Variants in DCAF1 observed in about 807,000 individuals in gnomAD.
DCAF1 encodes the protein DDB1 and CUL4 associated factor 1.
DCAF1 carries 15 observed loss-of-function variants against 128.0 expected under a neutral mutation model. The ratio of observed to expected loss-of-function variants is 0.12; its 90% CI spans 0.08 to 0.18. The LOEUF is 0.18. Among genes scored for constraint, DCAF1 ranks in the 10% least tolerant of loss-of-function variants. DCAF1 has a pLI of 1.00. For synonymous variants in DCAF1, 610 were observed against 603.0 expected (o/e 1.01, Z -0.17); for missense variants, 988 against 1,649.5 (o/e 0.60, Z 6.95).
intron 3 of DCAF1, among the ~76,000 whole-genome samples, chr3:51,479,650 G>T (rs1226118133): frequency 2.6e-5 from 4 of 151,986 alleles, no homozygotes; most frequent in African/African-American, 9.7e-5. Flanking sequence ...TAAAAAATTA[G>T]CCCAGTGTGG....
At chr3:51,504,442 G>T (rs1708894807), upstream of DCAF1, among the ~76,000 whole-genome samples, 1 of 152,060 alleles carries the variant, frequency 6.6e-6, no homozygotes, top group East Asian at 1.9e-4. Context: ...CTGCATCCTG[G>T]GTTCAAGTAA....
At chr3:51,483,502 A>G (rs2108415902) in intron 3 of DCAF1, among the ~76,000 whole-genome samples, 1 of 152,186 alleles carries the variant, frequency 6.6e-6, no homozygotes, top group African/African-American at 2.4e-5. Flanking sequence ...GTAGGGAGAT[A>G]AAGACTAAAT....
chr3:51,489,462 T>C (rs1707364989), intron 2 of DCAF1, among the ~76,000 whole-genome samples: 1 of 151,736 alleles, frequency 6.6e-6, no homozygotes, highest in African/African-American at 2.4e-5. Context: ...AACCACACTC[T>C]ACTAGGGTCC....
chr3:51,484,787 A>G (rs1223561472), intron 2 of DCAF1, among the ~76,000 whole-genome samples: 1 of 150,836 alleles, frequency 6.6e-6, no homozygotes, highest in East Asian at 2.0e-4. Context: ...GGTTCAAGCA[A>G]TTCTCCTGCC....
At chr3:51,443,272 G>A (rs1701536246) in intron 7 of DCAF1, among the ~76,000 whole-genome samples, 1 of 152,070 alleles carries the variant, frequency 6.6e-6, no homozygotes, top group African/African-American at 2.4e-5. Context: ...GGCATACAAT[G>A]TCATCATCCT....
intron 2 of DCAF1, among the ~76,000 whole-genome samples, chr3:51,487,192 G>A (rs192936667): frequency 3.3e-5 from 5 of 151,946 alleles, no homozygotes; most frequent in African/African-American, 7.2e-5. Flanking sequence ...GTCTGGTCTC[G>A]ATCTCTTGAC....
At position 51,422,537 on chromosome 3, in the gene DCAF1, A is replaced by G. The variant is rs1699500862; in HGVS notation, c.1848-106T>C. Reference sequence around the variant, plus strand: ...AGATAGACACATACACACAGAGACAATAAATCAGAAGCACTACCAGTGTGG... The same window carrying G: ...AGATAGACACATACACACAGAGACAGTAAATCAGAAGCACTACCAGTGTGG... On this transcript the variant is annotated intron_variant, in intron 13 of 24. Coordinates refer to ENST00000684031, the MANE Select transcript of DCAF1 (RefSeq NM_001387579.1). 30 of 665,234 alleles carry G rather than the reference A, an allele frequency of 4.5e-5. No homozygotes were observed. In the South Asian group the frequency reaches 4.7e-4, roughly 11 times the overall value. The allele number at this position is 665,234 out of a possible 1,614,324, so 41.2% of individuals were successfully genotyped here.
chr3:51,490,025 T>C (rs781939262), intron 2 of DCAF1, among the ~76,000 whole-genome samples: 1 of 152,150 alleles, frequency 6.6e-6, no homozygotes, highest in East Asian at 1.9e-4. Flanking sequence ...TGTACTGCTA[T>C]ACACTAGCCA....
At chr3:51,449,655 T>A (rs1364666813) in intron 6 of DCAF1, among the ~76,000 whole-genome samples, 2 of 151,808 alleles carry the variant, frequency 1.3e-5, no homozygotes, top group Non-Finnish European at 2.9e-5. Flanking sequence ...ATAAAGATTA[T>A]AGTGGGGAAA....
chr3:51,466,121 G>C (rs1353291372), intron 5 of DCAF1, among the ~76,000 whole-genome samples: 1 of 152,168 alleles, frequency 6.6e-6, no homozygotes, highest in Non-Finnish European at 1.5e-5. Context: ...AGAATCACCT[G>C]ACCCCGGAAA....
intron 11 of DCAF1, 89 bp from the exon 12 acceptor site, chr3:51,429,559 A>G: frequency 1.4e-6 from 1 of 708,976 alleles, no homozygotes; most frequent in South Asian, 1.5e-5. Context: ...ATATTTTAGT[A>G]AACTTTTTTT....
intron 9 of DCAF1, chr3:51,440,255 A>C (rs1215208253): frequency 9.3e-6 from 4 of 430,264 alleles, no homozygotes; most frequent in Non-Finnish European, 1.8e-5. Flanking sequence ...TATAGAAATA[A>C]CTTGAGCAAT....
chr3:51,477,796 C>CA (rs768366753), intron 3 of DCAF1, among the ~76,000 whole-genome samples: 6 of 151,920 alleles, frequency 3.9e-5, no homozygotes, highest in Non-Finnish European at 7.4e-5. Flanking sequence ...GTTCTGACAC[C>CA]AAAAAAAGTC....
intron 10 of DCAF1, 65 bp from the exon 11 acceptor site, chr3:51,430,277 G>A (rs1282448159): frequency 1.4e-6 from 1 of 715,262 alleles, no homozygotes; most frequent in Non-Finnish European, 2.6e-6. Flanking sequence ...TGAACAGGAT[G>A]GAAAATTTGC....
chr3:51,493,112 T>C (rs1707847688), intron 2 of DCAF1, among the ~76,000 whole-genome samples: 3 of 152,008 alleles, frequency 2.0e-5, no homozygotes, highest in South Asian at 2.1e-4. Flanking sequence ...AGAATTACTA[T>C]ACGACCCAGC....
At chr3:51,397,152 T>C (rs2089253684), downstream of DCAF1, 1 of 167,136 alleles carries the variant, frequency 6.0e-6, no homozygotes, top group Non-Finnish European at 1.5e-5. Flanking sequence ...TCACTTTAGC[T>C]GGATAATACC....
intron 5 of DCAF1, among the ~76,000 whole-genome samples, chr3:51,464,514 G>C (rs1703933390): frequency 6.6e-6 from 1 of 151,964 alleles, no homozygotes; most frequent in African/African-American, 2.4e-5. Context: ...GGGCAACCCA[G>C]TGAAATCTTG....
Position 51,418,664 on chromosome 3 carries a change from G to A in DCAF1, c.3435+14C>T. The A allele has an allele frequency of 1.9e-6, 3 of 1,602,164 alleles. No individual in the cohort carries two copies. Among genetic ancestry groups the A allele is most frequent in the East Asian group, 2.2e-5 (1 of 44,652 alleles). ...GGAAGAATGACTGAGAGCATCCTAG[G>A]AAGGAACCCTTACCCTGGAAGGTTC... On this transcript the variant is annotated intron_variant, in intron 16 of 24. Transcript: ENST00000684031.
intron 1 of DCAF1, among the ~76,000 whole-genome samples, chr3:51,497,549 T>A (rs1708363107): frequency 6.6e-6 from 1 of 151,414 alleles, no homozygotes; most frequent in East Asian, 2.0e-4. Flanking sequence ...ATTGCACCAC[T>A]GCACTCCAGC....
Sources: gnomAD v4.1 joint callset for allele counts (sites outside exome capture counted in the v4.1 genomes callset) on GRCh38, gnomAD v4.1.1 for gene constraint, MANE v1.5 for transcripts, NCBI Gene and HGNC (gene_info 2026-07-23, HGNC 2026-07-21) for gene names.